PRPF40B: variants seen among roughly 807,000 people sequenced by gnomAD.
The protein encoded by PRPF40B is pre-mRNA-processing factor 40 homolog B.
In PRPF40B, 56 loss-of-function variants were observed where a neutral mutation model predicts 124.5. The ratio of observed to expected loss-of-function variants is 0.45; its 90% CI spans 0.36 to 0.56. The LOEUF is 0.56. PRPF40B is among the 20% of genes least tolerant of loss of function. PRPF40B has a pLI of 0.00. For missense variants in PRPF40B, 1,053 were observed against 1,169.5 expected, an observed-to-expected ratio of 0.90 and a Z score of 1.45; for synonymous variants, 443 against 426.4, an observed-to-expected ratio of 1.04 and a Z score of -0.48.
At chr12:49,641,520 CAATA>C (rs1342071011) in intron 18 of PRPF40B, 5 of 228,482 alleles carry the variant, frequency 2.2e-5, no homozygotes, top group African/African-American at 1.1e-4. Context: ...AGTAAGCACT[CAATA>C]AATAGACCCA....
chr12:49,636,588 G>C, intron 15 of PRPF40B, 128 bp from the exon 16 acceptor site: 1 of 1,305,516 alleles, frequency 7.7e-7, no homozygotes, highest in Non-Finnish European at 1.1e-6. Context: ...CCCCCTCCAG[G>C]CCCTTCCCCC....
chr12:49,634,241 C>A, intron 10 of PRPF40B, 91 bp from the exon 11 acceptor site: 3 of 1,600,538 alleles, frequency 1.9e-6, no homozygotes, highest in East Asian at 2.2e-5. Flanking sequence ...CCCTGGGGAA[C>A]AAGGAGGGGG....
At chr12:49,623,527 G>A (rs1940387437), upstream of PRPF40B, 3 of 1,242,728 alleles carry the variant, frequency 2.4e-6, no homozygotes, top group East Asian at 9.4e-5. Flanking sequence ...CTGCGGCCTG[G>A]CCAATCAGAG....
chr12:49,630,452 T>C (rs750643854), intron 1 of PRPF40B, 93 bp from the exon 2 acceptor site: 13 of 711,518 alleles, frequency 1.8e-5, no homozygotes, highest in Non-Finnish European at 3.3e-5. Context: ...AATTTTGTGC[T>C]CCTTTTTCAT....
At chr12:49,627,313 TATA>T (rs1393803727) in intron 1 of PRPF40B, among the ~76,000 whole-genome samples, 4 of 152,218 alleles carry the variant, frequency 2.6e-5, no homozygotes, top group African/African-American at 9.6e-5. Context: ...AGAAAAATAA[TATA>T]ATCAGGATTA....
chr12:49,625,973 C>T (rs118112825), intron 1 of PRPF40B, among the ~76,000 whole-genome samples: 1 of 152,184 alleles, frequency 6.6e-6, no homozygotes, highest in African/African-American at 2.4e-5. Flanking sequence ...CTGTGGGGAA[C>T]TGTCCAGAAT....
chr12:49,624,453 A>T lies in PRPF40B; in HGVS notation c.3+860A>T, dbSNP rs143338919. On this transcript the variant is annotated intron_variant, in intron 1 of 25. Coordinates refer to ENST00000548825, the MANE Select transcript of PRPF40B (RefSeq NM_001031698.3). Reference sequence around the variant, plus strand: ...CTTATCCTGTTGGAGGGATGGAAGAACTCTAAGGAGAGGAGGAGGTTGAAA... The same window carrying T: ...CTTATCCTGTTGGAGGGATGGAAGATCTCTAAGGAGAGGAGGAGGTTGAAA... Among the ~76,000 whole-genome samples, 716 of 152,208 alleles carry T rather than the reference A, an allele frequency of 4.7e-3. 8 individuals carry two copies. The highest frequency in any genetic ancestry group is 0.016 in the African/African-American group (652 of 41,518).
At chr12:49,634,808 C>T (rs1181237321) in intron 12 of PRPF40B, 6 of 649,538 alleles carry the variant, frequency 9.2e-6, no homozygotes, top group Non-Finnish European at 1.3e-5. Context: ...TCAATAAATG[C>T]TTCCTGAATT....
intron 18 of PRPF40B, chr12:49,638,886 G>A (rs1290140705): frequency 6.6e-6 from 1 of 152,210 alleles, no homozygotes; most frequent in Non-Finnish European, 1.5e-5. Context: ...AGCTAGAAAT[G>A]TCTCACTGCA....
chr12:49,623,863 G>T (rs1451449184), intron 1 of PRPF40B: 1 of 1,167,786 alleles, frequency 8.6e-7, no homozygotes. Context: ...ATTGGGAGAG[G>T]TGGGGGTGGG....
chr12:49,623,867 G>C, intron 1 of PRPF40B: 1 of 1,167,238 alleles, frequency 8.6e-7, no homozygotes, highest in Non-Finnish European at 1.1e-6. Flanking sequence ...GGAGAGGTGG[G>C]GGTGGGTTCG....
chr12:49,637,648 C>CCTA, intron 17 of PRPF40B, 64 bp downstream of exon 17: 1 of 1,569,140 alleles, frequency 6.4e-7, no homozygotes, highest in Non-Finnish European at 8.7e-7. Context: ...CTCTGCACCC[C>CCTA]CTACTACCGG....
In PRPF40B at chr12:49,631,658, C is replaced by A; in HGVS notation, c.228+114C>A. On this transcript the variant is annotated intron_variant, in intron 3 of 25. Coordinates refer to ENST00000548825, the MANE Select transcript of PRPF40B (RefSeq NM_001031698.3). This position sits in a 1 kb window ranked among gnomAD's most constrained non-coding sequence, Gnocchi z 4.3. ...CTGGGGAAGGAAGGGAGCTTTGGGC[C>A]AAACCCATGTGGATTTGTCTGCTGA... The A allele has an allele frequency of 1.5e-6, 2 of 1,378,330 alleles. No homozygotes were observed. The highest frequency in any genetic ancestry group is 1.4e-5 in the African/African-American group (1 of 69,444). The allele number at this position is 1,378,330 out of a possible 1,614,324, so 85.4% of individuals were successfully genotyped here. A position where few individuals can be genotyped will look rare whatever the true frequency, so the allele number is the denominator to read the frequency against.
In PRPF40B at chr12:49,642,296, G is replaced by A. The variant is rs775596979; in HGVS notation, c.1946G>A (p.Arg649Gln). 1.5e-5 allele frequency: 24 copies of A among 1,614,058 alleles called. No homozygotes were observed. Among genetic ancestry groups the A allele is most frequent in the Non-Finnish European group, 1.9e-5 (23 of 1,180,044 alleles). The change falls in exon 20 of 26, where the codon CGG becomes CAG. Residue 649 changes from arginine (R) to glutamine (Q), a missense_variant. Physicochemically the swap from Arg to Gln is conservative, Grantham distance 43 (BLOSUM62 1). Around this residue, in one of 2 missense-constraint regions of PRPF40B, gnomAD observed 895 missense variants for 1,052.2 expected, o/e 0.85. Coordinates refer to ENST00000548825, the MANE Select transcript of PRPF40B (RefSeq NM_001031698.3). This position sits in a 1 kb window ranked among gnomAD's most constrained non-coding sequence, Gnocchi z 5.8. ...GAGAAGGAGGAGGCACGCAGGATGC[G>A]GCGCAGGGAAGCTGCCTTTCGAAGC... Reference protein sequence around the residue: ...EREKEEARRMRRREAAFRSML... With the variant: ...EREKEEARRMQRREAAFRSML...
chr12:49,623,696 G>A (rs1940412006), intron 1 of PRPF40B, 103 bp downstream of exon 1: 2 of 1,223,824 alleles, frequency 1.6e-6, no homozygotes. Context: ...GGGGATAGCT[G>A]GGACCCCGGG....
Position 49,634,343 on chromosome 12 carries a change from A to G in PRPF40B, c.824A>G (p.His275Arg). ...LEEGPSSSGQ[H>R]QPQQEEEESK... ...CCTGTGCCCTCCAGTTCTGGACAGC[A>G]TCAGCCACAGCAGGAGGAGGAGGAA... Residue 275 changes from histidine (H) to arginine (R), a missense_variant, in exon 11 of 26, where the codon CAT (histidine) becomes CGT (arginine). Transcript: ENST00000548825. 1 of 1,614,236 alleles carries G rather than the reference A, an allele frequency of 6.2e-7. No individual in the cohort carries two copies. The highest frequency in any genetic ancestry group is 1.1e-5 in the South Asian group (1 of 91,088).
chr12:49,633,284 G>A, intron 7 of PRPF40B, 143 bp from the exon 8 acceptor site: 1 of 1,332,000 alleles, frequency 7.5e-7, no homozygotes, highest in South Asian at 1.4e-5. Flanking sequence ...AGGATCTCAA[G>A]AAGTCCACCT....
chr12:49,632,546 G>C (rs1358190641), intron 4 of PRPF40B, 50 bp from the exon 5 acceptor site: 4 of 1,605,016 alleles, frequency 2.5e-6, no homozygotes, highest in Non-Finnish European at 3.4e-6. Context: ...CTGGGTCCTG[G>C]GGGCCACTGG....
chr12:49,630,487 G>T, intron 1 of PRPF40B, 58 bp from the exon 2 acceptor site: 1 of 765,384 alleles, frequency 1.3e-6, no homozygotes. Flanking sequence ...CTTCCCTTCT[G>T]CAAAAAGCCC....
Sources: gnomAD v4.1 joint callset for allele counts (sites outside exome capture counted in the v4.1 genomes callset) on GRCh38, gnomAD v4.1.1 for gene constraint, gnomAD v4.1.1 regional missense constraint, Gnocchi (gnomAD v3.1) non-coding constraint, MANE v1.5 for transcripts, NCBI Gene and HGNC (gene_info 2026-07-23, HGNC 2026-07-21) for gene names.